EML5: variants seen among roughly 807,000 people sequenced by gnomAD.
The protein encoded by EML5 is echinoderm microtubule-associated protein-like 5.
Under a neutral mutation model 250.0 loss-of-function variants are expected in EML5, and 120 were observed. The ratio of observed to expected loss-of-function variants is 0.48; its 90% confidence interval spans 0.41 to 0.56. The LOEUF (loss-of-function observed/expected upper bound fraction) is 0.56, where lower values mean the gene tolerates loss of function less well. EML5 is among the 20% of genes least tolerant of loss of function. The pLI, the probability that EML5 is intolerant of heterozygous loss-of-function variation, is 0.00. For synonymous variants in EML5, 771 were observed against 806.5 expected (o/e 0.96, Z 0.75); for missense variants, 2,006 against 2,437.6 (o/e 0.82, Z 3.73).
intron 1 of EML5, among the ~76,000 whole-genome samples, chr14:88,778,223 G>GA (rs962811244): frequency 1.3e-5 from 2 of 151,076 alleles, no homozygotes; most frequent in Admixed American, 6.6e-5. Context: ...ACGAAAGAAG[G>GA]AAAAAAAAGA....
intron 8 of EML5, among the ~76,000 whole-genome samples, chr14:88,717,342 G>A (rs1033549251): frequency 6.6e-6 from 1 of 152,214 alleles, no homozygotes; most frequent in African/African-American, 2.4e-5. Flanking sequence ...TGTGAACTCA[G>A]TCTGCTGAGG....
intron 1 of EML5, among the ~76,000 whole-genome samples, chr14:88,759,064 A>C (rs1024387106): frequency 1.3e-5 from 2 of 152,164 alleles, no homozygotes; most frequent in African/African-American, 4.8e-5. Context: ...ATATTCTGAA[A>C]TTAGATAGAA....
At chr14:88,736,869 T>A (rs961620443) in intron 6 of EML5, among the ~76,000 whole-genome samples, 2 of 152,084 alleles carry the variant, frequency 1.3e-5, no homozygotes, top group African/African-American at 2.4e-5. Context: ...GTGCTTTTTT[T>A]AAGCCTTTTT....
intron 8 of EML5, among the ~76,000 whole-genome samples, chr14:88,715,727 G>A (rs975276013): frequency 1.3e-5 from 2 of 150,260 alleles, no homozygotes; most frequent in Non-Finnish European, 3.0e-5. Context: ...GCATGATCTC[G>A]GCTCACTGCA....
intron 7 of EML5, among the ~76,000 whole-genome samples, chr14:88,732,963 T>C (rs900328693): frequency 6.6e-6 from 1 of 152,182 alleles, no homozygotes; most frequent in Non-Finnish European, 1.5e-5. Context: ...TACTGAAGAC[T>C]CAATACTGTT....
At chr14:88,682,236 T>C (rs1012084101) in intron 20 of EML5, among the ~76,000 whole-genome samples, 1 of 152,142 alleles carries the variant, frequency 6.6e-6, no homozygotes, top group African/African-American at 2.4e-5. Context: ...AATTACCATA[T>C]AATCAAGCTA....
chr14:88,687,167 C>T, intron 19 of EML5, 49 bp downstream of exon 19: 1 of 1,352,162 alleles, frequency 7.4e-7, no homozygotes, highest in South Asian at 1.3e-5. Flanking sequence ...CATTAATGAG[C>T]AATTAATCTT....
chr14:88,733,731 T>C lies in EML5; in HGVS notation c.1049+2633A>G, dbSNP rs546843626. ...AATGGCATGACTGATTAGCATACCATAAAAAACATCAGTAATTATCTGGAA... is the reference window on the plus strand; with the variant it reads ...AATGGCATGACTGATTAGCATACCACAAAAAACATCAGTAATTATCTGGAA... On this transcript the variant is annotated intron_variant, in intron 7 of 43. Coordinates refer to ENST00000554922, the MANE Select transcript of EML5 (RefSeq NM_183387.3). 1.2e-3 allele frequency among the ~76,000 whole-genome samples: 179 copies of C among 152,138 alleles called. 1 individual carries two copies. Among genetic ancestry groups the C allele is most frequent in the African/African-American group, 4.1e-3 (172 of 41,490 alleles).
chr14:88,681,737 T>G (rs2092717838), intron 21 of EML5, among the ~76,000 whole-genome samples, 153 bp downstream of exon 21: 1 of 152,212 alleles, frequency 6.6e-6, no homozygotes, highest in African/African-American at 2.4e-5. Flanking sequence ...CAATTACGTT[T>G]CTCTATGTGG....
intron 2 of EML5, among the ~76,000 whole-genome samples, chr14:88,752,899 A>C (rs1471589025): frequency 1.3e-5 from 2 of 152,096 alleles, no homozygotes; most frequent in Non-Finnish European, 2.9e-5. Context: ...TTCCCACTCC[A>C]TCCCCTCTCC....
In EML5 at chr14:88,712,372, T is replaced by C. The variant is rs186744258; in HGVS notation, c.1556A>G (p.Asn519Ser). The C allele has an allele frequency of 1.2e-5, 19 of 1,613,492 alleles. No homozygotes were observed. In the Middle Eastern group the frequency reaches 6.6e-4, roughly 56 times the overall value. Residue 519 changes from asparagine (N) to serine (S), a missense_variant, in exon 10 of 44, where the codon AAC (asparagine) becomes AGC (serine). This residue lies in a region of EML5 where 1,375 missense variants were observed against 1,590.3 expected (regional missense o/e 0.86). Transcript: ENST00000554922. ...NGIWPKYSDI[N>S]DINSVDGNYI... ...ATTTCCATCTACTGAATTTATATCG[T>C]TGATATCTGAATACTTGGGCCAAAT... is the stretch of plus-strand genomic sequence containing the variant.
At chr14:88,782,896 A>G (rs777359580) in intron 1 of EML5, among the ~76,000 whole-genome samples, 13 of 152,110 alleles carry the variant, frequency 8.5e-5, no homozygotes, top group Non-Finnish European at 1.9e-4. Context: ...CCGGGCCAAC[A>G]TGGTGAAATT....
intron 33 of EML5, among the ~76,000 whole-genome samples, chr14:88,631,047 T>C (rs2090410768): frequency 6.6e-6 from 1 of 152,222 alleles, no homozygotes; most frequent in African/African-American, 2.4e-5. Flanking sequence ...CAACTGCCTG[T>C]CACTACAAAT....
At chr14:88,618,505 G>A in intron 40 of EML5, 145 bp downstream of exon 40, 2 of 1,125,756 alleles carry the variant, frequency 1.8e-6, no homozygotes, top group Non-Finnish European at 2.5e-6. Context: ...AGTGGGGGAG[G>A]AAAGGGGAGC....
At chr14:88,711,826 TC>T (rs2093412661) in intron 10 of EML5, among the ~76,000 whole-genome samples, 1 of 151,878 alleles carries the variant, frequency 6.6e-6, no homozygotes, top group African/African-American at 2.4e-5. Flanking sequence ...ATGCCTGTAA[TC>T]CCAGTTACCT....
At chr14:88,733,918 G>T (rs886535334) in intron 7 of EML5, among the ~76,000 whole-genome samples, 14 of 151,904 alleles carry the variant, frequency 9.2e-5, no homozygotes, top group African/African-American at 3.1e-4. Context: ...AATCCTAGAA[G>T]TCATGAAAGA....
chr14:88,708,783 A>G lies in EML5; in HGVS notation c.1658-2357T>C, dbSNP rs555144613. Among the ~76,000 whole-genome samples, 4 of 152,250 alleles carry G rather than the reference A, an allele frequency of 2.6e-5. No individual in the cohort carries two copies. In the South Asian group the frequency reaches 8.3e-4, roughly 32 times the overall value. On this transcript the variant is annotated intron_variant, in intron 10 of 43. Coordinates refer to ENST00000554922, the MANE Select transcript of EML5 (RefSeq NM_183387.3). ...TTTCTCAGTTTTAAATGTAAATTGG[A>G]TTATATGCTCACAAGGTACCTTTTG...
In EML5 at chr14:88,638,898, C is replaced by T; in HGVS notation, c.4247G>A (p.Ser1416Asn). 1 of 1,569,544 alleles carries T rather than the reference C, an allele frequency of 6.4e-7. No homozygotes were observed. Among genetic ancestry groups the T allele is most frequent in the Non-Finnish European group, 8.6e-7 (1 of 1,159,932 alleles). Reference sequence around the variant, plus strand: ...ATCATCATTATGTTCCTGATAAAAACTCTGAGAACCTACAAAAAAGAATTT... The same window carrying T: ...ATCATCATTATGTTCCTGATAAAAATTCTGAGAACCTACAAAAAAGAATTT... ...ILHNVATGSQ[S>N]FYQEHNDDIL... is the part of the protein sequence containing the mutation. The change falls in exon 32 of 44, where the codon AGT becomes AAT. Residue 1416 changes from serine (S) to asparagine (N), a missense_variant. Ser to Asn is a conservative substitution (Grantham distance 46, BLOSUM62 1). This residue lies in a region of EML5 where 1,375 missense variants were observed against 1,590.3 expected (regional missense o/e 0.86). Coordinates refer to ENST00000554922, the MANE Select transcript of EML5 (RefSeq NM_183387.3).
chr14:88,715,090 C>T lies in EML5; in HGVS notation c.1293G>A (p.Ser431=), dbSNP rs528867524. The T allele has an allele frequency of 9.3e-6, 15 of 1,613,688 alleles. No individual in the cohort carries two copies. Among genetic ancestry groups the T allele is most frequent in the East Asian group, 6.7e-5 (3 of 44,862 alleles). Reference sequence around the variant, plus strand: ...GCTGAGCAACTCCATAAATATCAACCGAGCTGTCATTGCATCCAACAGCAA... The same window carrying T: ...GCTGAGCAACTCCATAAATATCAACTGAGCTGTCATTGCATCCAACAGCAA... ...TYLAVGCNDS[S]VDIYGVAQRY... The change falls in exon 9 of 44, where the codon TCG becomes TCA. Residue 431 remains serine, a synonymous_variant. Coordinates refer to ENST00000554922, the MANE Select transcript of EML5 (RefSeq NM_183387.3).
Sources: gnomAD v4.1 joint callset for allele counts (sites outside exome capture counted in the v4.1 genomes callset) on GRCh38, gnomAD v4.1.1 for gene constraint, gnomAD v4.1.1 regional missense constraint, MANE v1.5 for transcripts, NCBI Gene and HGNC (gene_info 2026-07-23, HGNC 2026-07-21) for gene names.